Variants in DMXL1 observed in about 807,000 individuals in gnomAD.
DMXL1 encodes the protein Dmx like 1, also known as dmX-like protein 1.
DMXL1 carries 99 observed loss-of-function variants against 319.2 expected under a neutral mutation model. The ratio of observed to expected loss-of-function variants is 0.31; its 90% CI spans 0.26 to 0.37. DMXL1 has a LOEUF of 0.37. Ranked by LOEUF, DMXL1 falls within the 10% of genes least tolerant of loss-of-function variation. The pLI, the probability that DMXL1 is intolerant of heterozygous loss-of-function variation, is 1.00. For missense variants in DMXL1, 3,745 were observed against 3,595.6 expected, an observed-to-expected ratio of 1.04 and a Z score of -1.06; for synonymous variants, 1,385 against 1,235.2, an observed-to-expected ratio of 1.12 and a Z score of -2.54.
chr5:119,183,225 T>A (rs1188200316), intron 28 of DMXL1, among the ~76,000 whole-genome samples: 2 of 152,204 alleles, frequency 1.3e-5, no homozygotes, highest in African/African-American at 4.8e-5. Flanking sequence ...AAAACTTGTG[T>A]AAAAACAAAA....
chr5:119,164,883 A>G (rs138157065), intron 20 of DMXL1, among the ~76,000 whole-genome samples: 2 of 150,832 alleles, frequency 1.3e-5, no homozygotes, highest in East Asian at 3.9e-4. Flanking sequence ...TTAATTGACA[A>G]ACTTGTTAGT....
At chr5:119,101,813 G>C (rs1004788734) in intron 2 of DMXL1, 122 bp from the exon 3 acceptor site, 5 of 674,146 alleles carry the variant, frequency 7.4e-6, no homozygotes, top group African/African-American at 5.5e-5. Context: ...ACATTCTTAA[G>C]CATCAGTGAA....
At chr5:119,090,122 G>A (rs1444970655) in intron 1 of DMXL1, among the ~76,000 whole-genome samples, 1 of 140,880 alleles carries the variant, frequency 7.1e-6, no homozygotes, top group African/African-American at 2.6e-5. Context: ...CCGGGTTCAA[G>A]TGATTCTCCT....
rs745925654 is a variant in DMXL1, at chr5:119,228,100, ATACT to A, written c.8338+3334_8338+3337del. Reference sequence around the variant, plus strand: ...TCTTCAATAAGTTATTCAGCCTCTCATACTTAATTCTTGTTCGACTTGATCTTGG... The same window carrying A: ...TCTTCAATAAGTTATTCAGCCTCTCATAATTCTTGTTCGACTTGATCTTGG... On this transcript the variant is annotated intron_variant, in intron 38 of 43. Coordinates refer to ENST00000539542, the MANE Select transcript of DMXL1 (RefSeq NM_001290321.3). Among the ~76,000 whole-genome samples the A allele has an allele frequency of 6.6e-5, 10 of 152,336 alleles. No individual in the cohort carries two copies. The East Asian group carries it at 1.9e-3, about 29-fold the overall frequency.
At position 119,177,430 on chromosome 5, in the gene DMXL1, A is replaced by G. The variant is rs1368453727; in HGVS notation, c.6832A>G (p.Thr2278Ala). The change falls in exon 27 of 44, where the codon ACA (threonine) becomes GCA (alanine). Residue 2278 changes from threonine to alanine, a missense_variant. Thr to Ala is a moderately conservative substitution (Grantham distance 58). This residue lies in a region of DMXL1 where 1,382 missense variants were observed against 1,269.5 expected (regional missense o/e 1.09). Transcript: ENST00000539542. ...GCTTCCTCATCGACCTTCTTTGAAA[A>G]CAGGAAGCTTAGATGAAGCATTAAC... ...VLLPHRPSLK[T>A]GSLDEALTPN... 5 of 1,609,518 alleles carry G rather than the reference A, an allele frequency of 3.1e-6. No homozygotes were observed. The African/African-American group carries it at 6.7e-5, about 22-fold the overall frequency.
chr5:119,147,622 C>T (rs915625820), intron 17 of DMXL1, 152 bp downstream of exon 17: 1 of 541,440 alleles, frequency 1.8e-6, no homozygotes, highest in African/African-American at 1.9e-5. Context: ...ACTTATAGTT[C>T]TCATTATGTT....
chr5:119,214,537 C>T lies in DMXL1; in HGVS notation c.7927-2364C>T, dbSNP rs1026270827. On this transcript the variant is annotated intron_variant, in intron 34 of 43. Coordinates refer to ENST00000539542, the MANE Select transcript of DMXL1 (RefSeq NM_001290321.3). ...AGGCCCTGCAAGAACTGAACCTCTACCTTTATCTCCAATCTTATCTTCTGC... is the reference window on the plus strand; with the variant it reads ...AGGCCCTGCAAGAACTGAACCTCTATCTTTATCTCCAATCTTATCTTCTGC... Among the ~76,000 whole-genome samples, 8 of 152,292 alleles carry T rather than the reference C, an allele frequency of 5.3e-5. No individual in the cohort carries two copies. The South Asian group carries it at 1.2e-3, about 24-fold the overall frequency.
At chr5:119,164,094 A>C (rs1772889985) in intron 19 of DMXL1, among the ~76,000 whole-genome samples, 1 of 147,194 alleles carries the variant, frequency 6.8e-6, no homozygotes, top group Non-Finnish European at 1.5e-5. Flanking sequence ...TGCTTGCTTG[A>C]TGTTTTTTTT....
chr5:119,076,327 C>G (rs1010951686), intron 1 of DMXL1, among the ~76,000 whole-genome samples: 7 of 151,948 alleles, frequency 4.6e-5, no homozygotes, highest in Non-Finnish European at 7.4e-5. Flanking sequence ...GAGTTTAGCT[C>G]TGTTTTGTTT....
rs1382189394 is a variant in DMXL1, at chr5:119,146,945, C to G, written c.2678C>G (p.Pro893Arg). ...HMWNLHLKSI[P>R]VSLDEKVDTK... is the part of the protein sequence containing the mutation. ...TGGAATTTACATCTAAAGTCAATTC[C>G]TGTCTCATTAGGTGAGTCTTTTGTG... Residue 893 changes from proline to arginine, a missense_variant, in exon 16 of 44, where the codon CCT becomes CGT. Around this residue, in one of 4 missense-constraint regions of DMXL1, gnomAD observed 2,096 missense variants for 1,985.4 expected, o/e 1.06. Coordinates refer to ENST00000539542, the MANE Select transcript of DMXL1 (RefSeq NM_001290321.3). 6.2e-7 allele frequency: 1 copy of G among 1,612,300 alleles called. No homozygotes were observed. The highest frequency in any genetic ancestry group is 1.1e-5 in the South Asian group (1 of 90,908).
chr5:119,224,381 C>T (rs1202798959), intron 37 of DMXL1, among the ~76,000 whole-genome samples: 8 of 151,838 alleles, frequency 5.3e-5, no homozygotes, highest in Middle Eastern at 3.4e-3. Context: ...TTCACATGCT[C>T]CTGTCTTTTA....
rs752371431 is a variant in DMXL1, at chr5:119,170,349, G to A, written c.5558G>A (p.Ser1853Asn). 1.2e-6 allele frequency: 2 copies of A among 1,613,964 alleles called. No homozygotes were observed. Among genetic ancestry groups the A allele is most frequent in the South Asian group, 2.2e-5 (2 of 91,074 alleles). The change falls in exon 24 of 44, where the codon AGT becomes AAT. Residue 1853 changes from serine to asparagine, a missense_variant. Physicochemically the swap from Ser to Asn is conservative, Grantham distance 46. This residue lies in a region of DMXL1 where 1,382 missense variants were observed against 1,269.5 expected (regional missense o/e 1.09). Transcript: ENST00000539542. The part of the protein sequence containing the change: ...KSGLAGTINL[S>N]ERRLFFTTAS... ...GGACTGGCAGGAACAATTAATTTAA[G>A]TGAAAGACGTTTATTTTTTACCACT...
Position 119,246,999 on chromosome 5 carries a change from G to T in DMXL1, c.8927G>T (p.Trp2976Leu). 1 of 1,597,608 alleles carries T rather than the reference G, an allele frequency of 6.3e-7. No homozygotes were observed. The highest frequency in any genetic ancestry group is 8.5e-7 in the Non-Finnish European group (1 of 1,170,388). The change falls in exon 44 of 44, where the codon TGG becomes TTG. Residue 2976 changes from tryptophan (W) to leucine (L), a missense_variant. Trp to Leu is a moderately conservative substitution (Grantham distance 61). Coordinates refer to ENST00000539542, the MANE Select transcript of DMXL1 (RefSeq NM_001290321.3). The stretch of plus-strand genomic sequence containing the variant: ...TTTGTTCTTAATATCTTTCAGATTT[G>T]GAGTCTCTCTACCTTTGGTCTTCTC... The part of the protein sequence containing the change: ...TGSAEGNIKI[W>L]SLSTFGLLHT...
chr5:119,166,376 A>C (rs1341717589), intron 21 of DMXL1, among the ~76,000 whole-genome samples: 2 of 152,244 alleles, frequency 1.3e-5, no homozygotes, highest in African/African-American at 2.4e-5. Context: ...TAATTTTCAC[A>C]GTCCTGCTAA....
intron 1 of DMXL1, among the ~76,000 whole-genome samples, chr5:119,095,734 C>G (rs1466100511): frequency 6.6e-6 from 1 of 152,110 alleles, no homozygotes; most frequent in Non-Finnish European, 1.5e-5. Context: ...TGAAAGACAA[C>G]TTCTCTTAAA....
intron 1 of DMXL1, among the ~76,000 whole-genome samples, chr5:119,097,352 G>C (rs535882226): frequency 6.6e-6 from 1 of 152,324 alleles, no homozygotes; most frequent in South Asian, 2.1e-4. Flanking sequence ...AAGAATGGAA[G>C]TTTGCTATTA....
In DMXL1 at chr5:119,247,973, C is replaced by G. The variant is rs138425227; in HGVS notation, c.*754C>G. On this transcript the variant is annotated 3_prime_UTR_variant, in exon 44 of 44. Coordinates refer to ENST00000539542, the MANE Select transcript of DMXL1 (RefSeq NM_001290321.3). ...TCATTTTTAAAAAATTTTTGAATTC[C>G]CATCCTAATTTTCAAATAAGTTTCA... is the stretch of plus-strand genomic sequence containing the variant. The G allele has an allele frequency of 2.0e-4, 30 of 151,992 alleles. No homozygotes were observed. Among genetic ancestry groups the G allele is most frequent in the African/African-American group, 7.2e-4 (30 of 41,464 alleles). 9.4% of individuals were successfully genotyped at this position (151,992 alleles called of 1,614,324 possible). A position where few individuals can be genotyped will look rare whatever the true frequency, so the allele number is the denominator to read the frequency against.
chr5:119,125,960 G>A (rs1763463108), intron 9 of DMXL1, among the ~76,000 whole-genome samples: 1 of 152,038 alleles, frequency 6.6e-6, no homozygotes, highest in African/African-American at 2.4e-5. Context: ...TTTCATGTGT[G>A]TTTTTAAACA....
intron 35 of DMXL1, 68 bp downstream of exon 35, chr5:119,217,055 C>A: frequency 1.1e-6 from 1 of 885,224 alleles, no homozygotes; most frequent in Non-Finnish European, 1.7e-6. Context: ...TCTGTTTTAT[C>A]AGTTTATCCA....
Sources: allele counts gnomAD v4.1 joint callset (sites outside exome capture counted in the v4.1 genomes callset), GRCh38; gene constraint gnomAD v4.1.1; regional missense constraint gnomAD v4.1.1; transcripts MANE v1.5; gene names NCBI Gene and HGNC (gene_info 2026-07-23, HGNC 2026-07-21).